Variants in GRM7 observed in about 807,000 individuals in gnomAD.
GRM7 encodes the protein glutamate metabotropic receptor 7, also known as metabotropic glutamate receptor 7.
A neutral mutation model predicts 84.5 loss-of-function variants in GRM7; 35 were observed. That is an observed-to-expected ratio of 0.41 (90% CI 0.32 to 0.55). The LOEUF (loss-of-function observed/expected upper bound fraction) is 0.55. GRM7 is among the 20% of genes least tolerant of loss of function. GRM7 has a pLI of 0.19. For synonymous variants in GRM7, 487 were observed against 455.1 expected (o/e 1.07, Z -0.89); for missense variants, 1,003 against 1,194.6 (o/e 0.84, Z 2.36).
At chr3:7,397,574 C>T (rs1465172737) in intron 4 of GRM7, among the ~76,000 whole-genome samples, 1 of 151,916 alleles carries the variant, frequency 6.6e-6, no homozygotes, top group African/African-American at 2.4e-5. Flanking sequence ...TTAATATGCA[C>T]CAAAAATGAT....
chr3:7,185,923 G>A lies in GRM7; in HGVS notation c.736+39255G>A, dbSNP rs142157828. Among the ~76,000 whole-genome samples the A allele has an allele frequency of 2.2e-3, 330 of 152,266 alleles. 1 individual carries two copies. The highest frequency in any genetic ancestry group is 7.7e-3 in the African/African-American group (321 of 41,552). On this transcript the variant is annotated intron_variant, in intron 2 of 9. Transcript: ENST00000357716. ...TTTACCCAGAAATTGAGCAAATTTT[G>A]TTTGTAAGCTCATTTTATTCCTGCT... is the stretch of plus-strand genomic sequence containing the variant.
intron 7 of GRM7, among the ~76,000 whole-genome samples, chr3:7,500,496 C>T (rs149824202): frequency 4.7e-4 from 71 of 152,352 alleles, no homozygotes; most frequent in African/African-American, 1.5e-3. Flanking sequence ...CTTGAAGGAG[C>T]ATTGAACCTG....
At chr3:7,588,833 C>G (rs1479023528) in intron 8 of GRM7, among the ~76,000 whole-genome samples, 2 of 152,186 alleles carry the variant, frequency 1.3e-5, no homozygotes, top group Non-Finnish European at 2.9e-5. Flanking sequence ...TTCGTCCTCA[C>G]TTTCAACTGA....
At chr3:6,979,669 C>G (rs1342510243) in intron 1 of GRM7, among the ~76,000 whole-genome samples, 2 of 152,050 alleles carry the variant, frequency 1.3e-5, no homozygotes, top group Non-Finnish European at 2.9e-5. Flanking sequence ...AACCAAATGA[C>G]AGATTACAAA....
intron 7 of GRM7, among the ~76,000 whole-genome samples, chr3:7,501,135 G>A (rs1245761683): frequency 6.6e-6 from 1 of 152,174 alleles, no homozygotes; most frequent in African/African-American, 2.4e-5. Context: ...TATAATGCCA[G>A]ATACTGTCTA....
chr3:7,044,285 G>A (rs752982038), intron 1 of GRM7, among the ~76,000 whole-genome samples: 3 of 152,014 alleles, frequency 2.0e-5, no homozygotes, highest in Non-Finnish European at 2.9e-5. Flanking sequence ...TTGTATACAC[G>A]GATACCTTAA....
chr3:7,375,169 G>A lies in GRM7; in HGVS notation c.1034-39854G>A, dbSNP rs116786090. 6.0e-3 allele frequency among the ~76,000 whole-genome samples: 913 copies of A among 150,922 alleles called. 6 individuals carry two copies. Among genetic ancestry groups the A allele is most frequent in the African/African-American group, 0.021 (870 of 41,008 alleles). On this transcript the variant is annotated intron_variant, in intron 4 of 9. Transcript: ENST00000357716. ...CAATCAAGTCCATACTGCTCAGAATGGTAACCAAGGCCAAACCATAAACTG... is the reference window on the plus strand; with the variant it reads ...CAATCAAGTCCATACTGCTCAGAATAGTAACCAAGGCCAAACCATAAACTG...
intron 8 of GRM7, among the ~76,000 whole-genome samples, chr3:7,674,755 C>T (rs575293650): frequency 3.9e-5 from 6 of 152,308 alleles, no homozygotes; most frequent in Admixed American, 1.3e-4. Context: ...GCATGCCTGG[C>T]GTGTCACCCT....
intron 2 of GRM7, among the ~76,000 whole-genome samples, chr3:7,248,214 CAA>C (rs910732259): frequency 2.0e-5 from 3 of 152,054 alleles, no homozygotes; most frequent in African/African-American, 7.2e-5. Flanking sequence ...AGAAGAGACT[CAA>C]ATGTTTATTA....
At chr3:7,405,450 C>G (rs906778914) in intron 4 of GRM7, among the ~76,000 whole-genome samples, 7 of 152,054 alleles carry the variant, frequency 4.6e-5, no homozygotes, top group Non-Finnish European at 7.4e-5. Flanking sequence ...GCATATTCAT[C>G]CACTCAAACA....
chr3:7,438,677 C>T (rs530478811), intron 5 of GRM7, among the ~76,000 whole-genome samples: 41 of 152,198 alleles, frequency 2.7e-4, no homozygotes, highest in African/African-American at 9.1e-4. Flanking sequence ...TAAACAGCAA[C>T]ACCAAACCAC....
intron 6 of GRM7, among the ~76,000 whole-genome samples, chr3:7,454,090 A>ACACTCTCTCTCTCT (rs1365192243): frequency 0.023 from 3,258 of 139,754 alleles, 41 homozygotes; most frequent in South Asian, 0.031. Context: ...CTACACACAC[A>ACACTCTCTCTCTCT]CTCTCTCTCT....
At chr3:7,025,114 TC>T (rs1418700967) in intron 1 of GRM7, among the ~76,000 whole-genome samples, 1 of 152,124 alleles carries the variant, frequency 6.6e-6, no homozygotes. Context: ...TCATTCTTCC[TC>T]CTTTGCATCA....
At chr3:7,647,718 G>A (rs1465004686) in intron 8 of GRM7, among the ~76,000 whole-genome samples, 1 of 152,160 alleles carries the variant, frequency 6.6e-6, no homozygotes, top group East Asian at 1.9e-4. Context: ...CTCAAGAGAT[G>A]TGGATTTGGA....
chr3:7,710,043 A>G (rs760407019), intron 9 of GRM7, among the ~76,000 whole-genome samples: 4 of 152,100 alleles, frequency 2.6e-5, no homozygotes, highest in Non-Finnish European at 5.9e-5. Flanking sequence ...ACTTCTTGGG[A>G]TTATAAATAT....
chr3:7,630,726 T>G (rs1697826992), intron 8 of GRM7, among the ~76,000 whole-genome samples: 1 of 152,320 alleles, frequency 6.6e-6, no homozygotes, highest in Middle Eastern at 3.4e-3. Context: ...CAAAAACCGT[T>G]AAGCATGTGA....
intron 8 of GRM7, among the ~76,000 whole-genome samples, chr3:7,614,781 TAGTATTTTGAAAG>T (rs1450577153): frequency 6.6e-6 from 1 of 152,222 alleles, no homozygotes; most frequent in Non-Finnish European, 1.5e-5. Context: ...CTGATAATGC[TAGTATTTTGAAAG>T]AGTAATTTAG....
chr3:6,919,639 A>C (rs995973860), intron 1 of GRM7, among the ~76,000 whole-genome samples: 3 of 151,746 alleles, frequency 2.0e-5, no homozygotes, highest in Non-Finnish European at 4.4e-5. Context: ...AATCTGAAGA[A>C]AACACTTTAA....
At chr3:7,396,664 A>G (rs979050014) in intron 4 of GRM7, among the ~76,000 whole-genome samples, 3 of 152,072 alleles carry the variant, frequency 2.0e-5, no homozygotes, top group African/African-American at 7.2e-5. Context: ...CGCATTTGGG[A>G]TGGATGGGTA....
Sources: gnomAD v4.1 joint callset for allele counts (sites outside exome capture counted in the v4.1 genomes callset) on GRCh38, gnomAD v4.1.1 for gene constraint, MANE v1.5 for transcripts, NCBI Gene and HGNC (gene_info 2026-07-23, HGNC 2026-07-21) for gene names.